The following CARD19 variants were observed in gnomAD, a reference collection of about 807,000 sequenced individuals.
CARD19 encodes the protein caspase recruitment domain family member 19, also known as caspase recruitment domain-containing protein 19.
Under a neutral mutation model 24.1 loss-of-function variants are expected in CARD19, and 25 were observed. The observed-to-expected ratio is 1.04, with a 90% CI of 0.76 to 1.45. CARD19 has a LOEUF of 1.45. CARD19 is among the 40% of genes most tolerant of loss of function. The pLI, the probability that CARD19 is intolerant of heterozygous loss-of-function variation, is 0.00. For synonymous variants in CARD19, 103 were observed against 104.9 expected (o/e 0.98, Z 0.11); for missense variants, 241 against 247.4 (o/e 0.97, Z 0.17).
At chr9:93,110,226 A>C (rs1393938496) in intron 2 of CARD19, 1 of 251,038 alleles carries the variant, frequency 4.0e-6, no homozygotes, top group Admixed American at 5.0e-5. Context: ...CGATCTCCTG[A>C]CCTCGTGATC....
intron 1 of CARD19, among the ~76,000 whole-genome samples, chr9:93,099,920 G>T (rs1427746955): frequency 6.6e-6 from 1 of 152,218 alleles, no homozygotes; most frequent in East Asian, 1.9e-4. Flanking sequence ...AACCAGGATG[G>T]CCCCCCTATT....
Position 93,096,242 on chromosome 9 carries a change from G to A in CARD19, c.-104G>A. ...CAAAAGGGGCGGGCGAGCACGGCCCGCGGGCGGCGTTCGCTGGAGCTGGTG... is the reference window on the plus strand; with the variant it reads ...CAAAAGGGGCGGGCGAGCACGGCCCACGGGCGGCGTTCGCTGGAGCTGGTG... On this transcript the variant is annotated 5_prime_UTR_variant, in exon 1 of 6. Transcript: ENST00000375464. This position sits in a 1 kb window ranked among gnomAD's most constrained non-coding sequence, Gnocchi z 5.4. 1.7e-6 allele frequency: 2 copies of A among 1,167,180 alleles called. No individual in the cohort carries two copies. The highest frequency in any genetic ancestry group is 2.1e-6 in the Non-Finnish European group (2 of 932,232). The allele number at this position is 1,167,180 out of a possible 1,614,324, so 72.3% of individuals were successfully genotyped here.
chr9:93,108,527 G>T (rs769995800), intron 2 of CARD19, among the ~76,000 whole-genome samples: 1 of 151,904 alleles, frequency 6.6e-6, no homozygotes, highest in Non-Finnish European at 1.5e-5. Context: ...GGCAGGTGTG[G>T]TGAGGACTGA....
At chr9:93,112,404 C>T in intron 5 of CARD19, 115 bp downstream of exon 5, 1 of 841,040 alleles carries the variant, frequency 1.2e-6, no homozygotes, top group South Asian at 1.5e-5. Flanking sequence ...TCGGTGTCCA[C>T]ACTTGTGCAG....
At position 93,112,373 on chromosome 9, in the gene CARD19, A is replaced by G; in HGVS notation, c.436+84A>G. 9.9e-6 allele frequency: 12 copies of G among 1,215,238 alleles called. No homozygotes were observed. The South Asian group carries it at 1.5e-4, about 16-fold the overall frequency. 75.3% of individuals were successfully genotyped at this position (1,215,238 alleles called of 1,614,324 possible). On this transcript the variant is annotated intron_variant, in intron 5 of 5. Transcript: ENST00000375464. ...GGCCCCAGACCCTGCCCAATTTGGGACCCCTTGGCCTCTTCGTACCTCGGT... is the reference window on the plus strand; with the variant it reads ...GGCCCCAGACCCTGCCCAATTTGGGGCCCCTTGGCCTCTTCGTACCTCGGT...
chr9:93,112,705 G>A (rs754450998), intron 5 of CARD19, among the ~76,000 whole-genome samples: 16 of 152,168 alleles, frequency 1.1e-4, no homozygotes, highest in African/African-American at 2.9e-4. Flanking sequence ...GGCCTGCCCC[G>A]TCTCCCTTTT....
chr9:93,111,787 A>T, intron 3 of CARD19, 92 bp from the exon 4 acceptor site: 2 of 1,548,594 alleles, frequency 1.3e-6, no homozygotes, highest in Non-Finnish European at 1.8e-6. Flanking sequence ...CGGCCCCAGG[A>T]GGCAGCAGCA....
At chr9:93,112,144 G>T in intron 4 of CARD19, 74 bp from the exon 5 acceptor site, 1 of 1,466,448 alleles carries the variant, frequency 6.8e-7, no homozygotes. Context: ...CCACTCCCCT[G>T]CGCAGCCCCC....
At position 93,110,592 on chromosome 9, in the gene CARD19, C is replaced by A. The variant is rs201271055; in HGVS notation, c.175C>A (p.Arg59Ser). The change falls in exon 3 of 6, where the codon CGT becomes AGT. Residue 59 changes from arginine to serine, a missense_variant. Transcript: ENST00000375464. ...GTTCCGGAACCCCAAGGCATCCTTG[C>A]GTGTGCGGCTCTGTGACCTCCTGAG... ...EKFRNPKASL[R>S]VRLCDLLSHL... 6.2e-7 allele frequency: 1 copy of A among 1,610,184 alleles called. No individual in the cohort carries two copies. The highest frequency in any genetic ancestry group is 1.7e-5 in the Admixed American group (1 of 59,882).
In CARD19 at chr9:93,096,455, G is replaced by T. The variant is rs893979075; in HGVS notation, c.7+103G>T. On this transcript the variant is annotated intron_variant, in intron 1 of 5. Coordinates refer to ENST00000375464, the MANE Select transcript of CARD19 (RefSeq NM_032310.5). This position sits in a 1 kb window ranked among gnomAD's most constrained non-coding sequence, Gnocchi z 5.4. ...GCGAGTCGCCTGCAGGCCGCGCCTG[G>T]GCAGCGGGGGCCGAGTGACCTTGGC... The T allele has an allele frequency of 1.5e-5, 16 of 1,080,780 alleles. No homozygotes were observed. Among genetic ancestry groups the T allele is most frequent in the African/African-American group, 4.9e-5 (3 of 61,224 alleles). 66.9% of individuals were successfully genotyped at this position (1,080,780 alleles called of 1,614,324 possible).
chr9:93,104,355 CTCTG>C (rs991739195), intron 1 of CARD19, among the ~76,000 whole-genome samples: 1 of 152,178 alleles, frequency 6.6e-6, no homozygotes, highest in Admixed American at 6.5e-5. Context: ...ACTCTTCTGC[CTCTG>C]TCTCCCAAAG....
intron 3 of CARD19, chr9:93,111,172 G>C (rs1477920636): frequency 8.3e-7 from 1 of 1,200,058 alleles, no homozygotes; most frequent in Non-Finnish European, 1.1e-6. Flanking sequence ...CACACGTGTG[G>C]GTGTTTCCAT....
chr9:93,107,079 C>G (rs1249342041), intron 1 of CARD19, among the ~76,000 whole-genome samples: 1 of 152,176 alleles, frequency 6.6e-6, no homozygotes, highest in Admixed American at 6.5e-5. Flanking sequence ...CTTCTTAAGG[C>G]CTTGCAGACA....
At chr9:93,100,693 T>G (rs1827045204) in intron 1 of CARD19, among the ~76,000 whole-genome samples, 1 of 152,218 alleles carries the variant, frequency 6.6e-6, no homozygotes, top group Non-Finnish European at 1.5e-5. Flanking sequence ...AAACAGAAAT[T>G]TTGTACCCGT....
At chr9:93,109,862 A>G (rs1827392839) in intron 2 of CARD19, 1 of 152,274 alleles carries the variant, frequency 6.6e-6, no homozygotes, top group Non-Finnish European at 1.5e-5. Context: ...ATTCCCTGTC[A>G]CAGCCTACCA....
intron 4 of CARD19, 106 bp from the exon 5 acceptor site, chr9:93,112,112 G>T: frequency 1.5e-6 from 2 of 1,357,124 alleles, no homozygotes; most frequent in Non-Finnish European, 2.0e-6. Context: ...GGCTCTTCAG[G>T]CAGCACCTCA....
At chr9:93,109,972 A>G (rs955798307) in intron 2 of CARD19, 2 of 152,914 alleles carry the variant, frequency 1.3e-5, no homozygotes, top group Admixed American at 1.3e-4. Context: ...ATGTCCCAAC[A>G]CTTGGAATGA....
chr9:93,103,573 T>G (rs932378422), intron 1 of CARD19, among the ~76,000 whole-genome samples: 6 of 152,254 alleles, frequency 3.9e-5, no homozygotes, highest in Non-Finnish European at 8.8e-5. Flanking sequence ...ACTGCAGAGA[T>G]AGAGTGCCAA....
At chr9:93,105,010 G>A (rs1403255533) in intron 1 of CARD19, among the ~76,000 whole-genome samples, 2 of 152,054 alleles carry the variant, frequency 1.3e-5, no homozygotes, top group Admixed American at 1.3e-4. Context: ...TGCTCTTCAA[G>A]CTCTCTGGTC....
Sources: allele counts gnomAD v4.1 joint callset (sites outside exome capture counted in the v4.1 genomes callset), GRCh38; gene constraint gnomAD v4.1.1; non-coding constraint Gnocchi (gnomAD v3.1); transcripts MANE v1.5; gene names NCBI Gene and HGNC (gene_info 2026-07-23, HGNC 2026-07-21).